The following UBE2H variants were observed in gnomAD, a reference collection of about 807,000 sequenced individuals.
The protein encoded by UBE2H is ubiquitin-conjugating enzyme E2 H.
A neutral mutation model predicts 29.0 loss-of-function variants in UBE2H; 3 were observed. That is an observed-to-expected ratio of 0.10 (90% confidence interval 0.05 to 0.27). The LOEUF is 0.27. UBE2H is among the 10% of genes least tolerant of loss of function. The probability of loss-of-function intolerance (pLI) is 1.00; values close to 1 mark genes in which losing one functional copy is unlikely to be tolerated. For missense variants in UBE2H, 68 were observed against 228.2 expected, an observed-to-expected ratio of 0.30 and a Z score of 4.52; for synonymous variants, 69 against 82.9, an observed-to-expected ratio of 0.83 and a Z score of 0.91.
chr7:129,836,387 TGAG>T (rs1324159522), intron 6 of UBE2H, among the ~76,000 whole-genome samples: 3 of 151,822 alleles, frequency 2.0e-5, no homozygotes, highest in Non-Finnish European at 2.9e-5. Context: ...AGGTCACCAA[TGAG>T]GAGGAGGAAA....
At chr7:129,930,075 T>A (rs1033994706) in intron 1 of UBE2H, among the ~76,000 whole-genome samples, 1 of 152,222 alleles carries the variant, frequency 6.6e-6, no homozygotes, top group Admixed American at 6.5e-5. Context: ...AAGCACATCC[T>A]AGACTTTATC....
chr7:129,857,374 CA>C (rs1805725748), intron 5 of UBE2H, 136 bp downstream of exon 5: 2 of 805,606 alleles, frequency 2.5e-6, no homozygotes, highest in Non-Finnish European at 3.9e-6. Context: ...TTCCACTGAT[CA>C]AACTTTCCCA....
intron 1 of UBE2H, among the ~76,000 whole-genome samples, chr7:129,892,206 C>A (rs1456838075): frequency 6.6e-6 from 1 of 151,960 alleles, no homozygotes; most frequent in Non-Finnish European, 1.5e-5. Context: ...GCCTCGGCCT[C>A]CCAAAATGCT....
chr7:129,841,665 T>C (rs942223032), intron 5 of UBE2H, among the ~76,000 whole-genome samples: 1 of 152,200 alleles, frequency 6.6e-6, no homozygotes, highest in Non-Finnish European at 1.5e-5. Context: ...ACACCAGGTA[T>C]TGACACAGAG....
At chr7:129,945,354 T>G (rs1336074017) in intron 1 of UBE2H, among the ~76,000 whole-genome samples, 1 of 152,230 alleles carries the variant, frequency 6.6e-6, no homozygotes, top group Non-Finnish European at 1.5e-5. Flanking sequence ...ATATTTAACC[T>G]ACCGACTTGC....
intron 5 of UBE2H, among the ~76,000 whole-genome samples, chr7:129,856,323 T>C (rs1805704493): frequency 6.6e-6 from 1 of 152,224 alleles, no homozygotes; most frequent in African/African-American, 2.4e-5. Flanking sequence ...CCTTCTTTTC[T>C]TGTGCCTCTC....
At chr7:129,845,664 G>C (rs1191127194) in intron 5 of UBE2H, among the ~76,000 whole-genome samples, 2 of 152,216 alleles carry the variant, frequency 1.3e-5, no homozygotes, top group Non-Finnish European at 2.9e-5. Flanking sequence ...GTGGACATCT[G>C]GCAGAGAAAA....
At chr7:129,952,411 G>T in intron 1 of UBE2H, 92 bp downstream of exon 1, 2 of 1,501,264 alleles carry the variant, frequency 1.3e-6, no homozygotes. Context: ...GGCCTGGAGT[G>T]CCCCAGGGCC....
At chr7:129,949,912 G>C (rs914728613) in intron 1 of UBE2H, among the ~76,000 whole-genome samples, 1 of 152,122 alleles carries the variant, frequency 6.6e-6, no homozygotes, top group Non-Finnish European at 1.5e-5. Context: ...AAGGGGCATG[G>C]GGGGCAAGAA....
At chr7:129,925,309 T>C (rs1040692624) in intron 1 of UBE2H, among the ~76,000 whole-genome samples, 1 of 151,470 alleles carries the variant, frequency 6.6e-6, no homozygotes, top group African/African-American at 2.4e-5. Context: ...ATTACGCCAC[T>C]GCACTCCAGA....
chr7:129,890,280 T>C (rs1298289258), intron 1 of UBE2H, among the ~76,000 whole-genome samples: 1 of 151,904 alleles, frequency 6.6e-6, no homozygotes, highest in African/African-American at 2.4e-5. Flanking sequence ...CACACGTATA[T>C]ATATACACGT....
intron 1 of UBE2H, among the ~76,000 whole-genome samples, chr7:129,891,009 G>A (rs1027621581): frequency 2.6e-5 from 4 of 151,594 alleles, no homozygotes; most frequent in Non-Finnish European, 4.4e-5. Flanking sequence ...GGTGGCGGGC[G>A]CTTGTAATCC....
intron 1 of UBE2H, among the ~76,000 whole-genome samples, chr7:129,914,336 T>C (rs1807001085): frequency 6.6e-6 from 1 of 152,084 alleles, no homozygotes; most frequent in African/African-American, 2.4e-5. Context: ...CCTGGCTAAC[T>C]TTTGTATTTT....
At position 129,942,671 on chromosome 7, in the gene UBE2H, A is replaced by T. The variant is rs13238461; in HGVS notation, c.53+9832T>A. On this transcript the variant is annotated intron_variant, in intron 1 of 6. Transcript: ENST00000355621. ...CAGAAATATTTATCAACTGCTGTAA[A>T]CTTCACTAGAAATGCTAAAGAAATG... 1.2e-4 allele frequency among the ~76,000 whole-genome samples: 19 copies of T among 152,302 alleles called. No individual in the cohort carries two copies. The South Asian group carries it at 3.9e-3, about 32-fold the overall frequency.
chr7:129,849,040 C>T (rs950759312), intron 5 of UBE2H, among the ~76,000 whole-genome samples: 2 of 151,982 alleles, frequency 1.3e-5, no homozygotes, highest in Non-Finnish European at 2.9e-5. Flanking sequence ...TAATTTTATC[C>T]TGCTTGCAGT....
intron 1 of UBE2H, among the ~76,000 whole-genome samples, chr7:129,881,939 A>G (rs1806263137): frequency 6.6e-6 from 1 of 152,166 alleles, no homozygotes; most frequent in African/African-American, 2.4e-5. Flanking sequence ...GCCAAATGCA[A>G]AAGACCAACA....
intron 3 of UBE2H, among the ~76,000 whole-genome samples, chr7:129,863,522 C>A (rs572175663): frequency 6.6e-6 from 1 of 152,278 alleles, no homozygotes; most frequent in South Asian, 2.1e-4. Context: ...ATAACAATGG[C>A]AAGCACTCTG....
At chr7:129,915,417 C>G (rs1807024529) in intron 1 of UBE2H, among the ~76,000 whole-genome samples, 1 of 152,008 alleles carries the variant, frequency 6.6e-6, no homozygotes, top group South Asian at 2.1e-4. Context: ...ACCTGTAGTC[C>G]CAGCTACTTG....
chr7:129,876,095 T>C (rs546818583), intron 3 of UBE2H, among the ~76,000 whole-genome samples: 2 of 152,340 alleles, frequency 1.3e-5, no homozygotes, highest in African/African-American at 4.8e-5. Context: ...TAGTATTTTA[T>C]TTACATTCTT....
Sources: gnomAD v4.1 joint callset for allele counts (sites outside exome capture counted in the v4.1 genomes callset) on GRCh38, gnomAD v4.1.1 for gene constraint, MANE v1.5 for transcripts, NCBI Gene and HGNC (gene_info 2026-07-23, HGNC 2026-07-21) for gene names.